SPTA1: variants seen among roughly 807,000 people sequenced by gnomAD.
SPTA1 encodes the protein spectrin alpha, erythrocytic 1.
A neutral mutation model predicts 324.7 loss-of-function variants in SPTA1; 177 were observed. The ratio of observed to expected loss-of-function variants is 0.55; its 90% CI spans 0.48 to 0.62. SPTA1 has a LOEUF of 0.62. Among genes scored for constraint, SPTA1 ranks in the 20% least tolerant of loss-of-function variants. The pLI is 0.00. For missense variants in SPTA1, 3,162 were observed against 2,883.6 expected (o/e 1.10, Z -2.21); for synonymous variants, 1,195 against 1,041.3 (o/e 1.15, Z -2.84).
chr1:158,611,817 T>A (rs1557916382), intron 51 of SPTA1: 1 of 190,632 alleles, frequency 5.2e-6, no homozygotes, highest in East Asian at 1.5e-4. Context: ...GTGGTAGAGC[T>A]GGGACTTGAA....
rs34783066 is a variant in SPTA1, at chr1:158,686,642, G to GA, written c.-126dup. On this transcript the variant is annotated 5_prime_UTR_variant, in exon 1 of 52. It introduces an in-frame stop codon into an upstream open reading frame of the 5' UTR. Transcript: ENST00000643759. ...ATATAGAAACGTTAAGTATGTGGGGGAAAAAAAAAAACCTCTTGCTTGGTC... is the reference window on the plus strand; with the variant it reads ...ATATAGAAACGTTAAGTATGTGGGGGAAAAAAAAAAAACCTCTTGCTTGGTC... 255,666 of 551,166 alleles carry GA rather than the reference G, an allele frequency of 0.46. 33,616 individuals carry two copies. Among genetic ancestry groups the GA allele is most frequent in the Admixed American group, 0.48 (16,253 of 33,634 alleles). 34.1% of individuals were successfully genotyped at this position (551,166 alleles called of 1,614,324 possible). A position where few individuals can be genotyped will look rare whatever the true frequency, so the allele number is the denominator to read the frequency against.
Position 158,626,222 on chromosome 1 carries a change from G to A in SPTA1, c.5834C>T (p.Ala1945Val), listed in dbSNP as rs774236074. 5.0e-6 allele frequency: 8 copies of A among 1,613,188 alleles called. No homozygotes were observed. The Admixed American group carries it at 1.3e-4, about 27-fold the overall frequency. ...GGTCTTTAGGCTTGTTTCCTTATCA[G>A]CTAAAAGGCAAAAACAATTAAGAAG... ...WKADVVEAWIADKETSLKTNG... is the reference protein window; with the variant it reads ...WKADVVEAWIVDKETSLKTNG... The change falls in exon 42 of 52, where the codon GCT becomes GTT. Residue 1945 changes from alanine to valine, a missense_variant and splice_region_variant. Physicochemically the swap from Ala to Val is moderately conservative, Grantham distance 64. Coordinates refer to ENST00000643759, the MANE Select transcript of SPTA1 (RefSeq NM_003126.4).
chr1:158,626,337 G>T, intron 41 of SPTA1, 115 bp from the exon 42 acceptor site: 1 of 976,174 alleles, frequency 1.0e-6, no homozygotes, highest in Non-Finnish European at 1.6e-6. Flanking sequence ...TCTCAAAGTT[G>T]ATGATTAATT....
In SPTA1 at chr1:158,636,629, T is replaced by G; in HGVS notation, c.5310+12A>C. On this transcript the variant is annotated intron_variant, in intron 37 of 51. Coordinates refer to ENST00000643759, the MANE Select transcript of SPTA1 (RefSeq NM_003126.4). ...GATTTCTATATTTTCAGATCTGGTA[T>G]TCTATTCCTACCTGGATGGCAGGCT... 1 of 1,613,986 alleles carries G rather than the reference T, an allele frequency of 6.2e-7. No individual in the cohort carries two copies. Among genetic ancestry groups the G allele is most frequent in the South Asian group, 1.1e-5 (1 of 91,080 alleles).
At chr1:158,675,874 A>G (rs1184897586) in intron 8 of SPTA1, among the ~76,000 whole-genome samples, 1 of 152,216 alleles carries the variant, frequency 6.6e-6, no homozygotes, top group African/African-American at 2.4e-5. Context: ...TTTAAAACTT[A>G]TAAGTTATTT....
chr1:158,623,644 A>C (rs764165045), intron 42 of SPTA1, among the ~76,000 whole-genome samples: 1 of 152,016 alleles, frequency 6.6e-6, no homozygotes, highest in Non-Finnish European at 1.5e-5. Flanking sequence ...ATGAAGAAGG[A>C]TGTGTTTGTT....
At chr1:158,623,235 C>T (rs1408384293) in intron 42 of SPTA1, 43 bp from the exon 43 acceptor site, 1 of 1,550,062 alleles carries the variant, frequency 6.5e-7, no homozygotes, top group Non-Finnish European at 8.9e-7. Context: ...GAAAATGGTG[C>T]AAGGGTCATT....
chr1:158,620,173 A>T lies in SPTA1; in HGVS notation c.6414T>A (p.Ile2138=). 1.2e-6 allele frequency: 2 copies of T among 1,614,112 alleles called. No homozygotes were observed. The highest frequency in any genetic ancestry group is 1.7e-6 in the Non-Finnish European group (2 of 1,180,012). Reference sequence around the variant, plus strand: ...TTTCTGCCGTGTTCCAGGTTACCTCAATGATGTCAGATAGGTGCTTCCAGG... The same window carrying T: ...TTTCTGCCGTGTTCCAGGTTACCTCTATGATGTCAGATAGGTGCTTCCAGG... ...ERTWKHLSDI[I]EEREQELQKE... Residue 2138 remains isoleucine (I), a synonymous_variant, in exon 44 of 52, where the codon ATT becomes ATA. Coordinates refer to ENST00000643759, the MANE Select transcript of SPTA1 (RefSeq NM_003126.4).
intron 14 of SPTA1, among the ~76,000 whole-genome samples, chr1:158,669,075 T>C (rs1403318166): frequency 6.6e-6 from 1 of 152,156 alleles, no homozygotes; most frequent in Non-Finnish European, 1.5e-5. Context: ...ACTATACGGA[T>C]GCAGAGGGGA....
At chr1:158,664,563 T>C (rs1653461891) in intron 16 of SPTA1, among the ~76,000 whole-genome samples, 2 of 152,044 alleles carry the variant, frequency 1.3e-5, no homozygotes, top group East Asian at 1.9e-4. Context: ...GGGCTTAAAA[T>C]CTAGATGACA....
intron 29 of SPTA1, among the ~76,000 whole-genome samples, chr1:158,644,797 T>C (rs1651871632): frequency 6.6e-6 from 1 of 152,212 alleles, no homozygotes; most frequent in Non-Finnish European, 1.5e-5. Flanking sequence ...ATCATCTCAC[T>C]GTACTAGTAA....
At chr1:158,640,874 A>C (rs1221035569) in intron 33 of SPTA1, among the ~76,000 whole-genome samples, 1 of 152,196 alleles carries the variant, frequency 6.6e-6, no homozygotes, top group Non-Finnish European at 1.5e-5. Context: ...CAAAAGAACA[A>C]AGCTGGAGGC....
chr1:158,645,170 T>C lies in SPTA1; in HGVS notation c.4194+18A>G, dbSNP rs1651898641. On this transcript the variant is annotated intron_variant, in intron 29 of 51. Transcript: ENST00000643759. ...ACAGACTACTGAACCTGCTTAACAATTGGGAAATTTGCTGTACCTGCAACT... is the reference window on the plus strand; with the variant it reads ...ACAGACTACTGAACCTGCTTAACAACTGGGAAATTTGCTGTACCTGCAACT... 2 of 1,613,674 alleles carry C rather than the reference T, an allele frequency of 1.2e-6. No individual in the cohort carries two copies. The highest frequency in any genetic ancestry group is 8.5e-7 in the Non-Finnish European group (1 of 1,179,680).
chr1:158,686,581 A>T lies in SPTA1; in HGVS notation c.-64T>A. On this transcript the variant is annotated 5_prime_UTR_variant, in exon 1 of 52. Coordinates refer to ENST00000643759, the MANE Select transcript of SPTA1 (RefSeq NM_003126.4). ...TCAGAGAGAGAGAGAGAGAGAAATA[A>T]TTCAAATGGAACTGTCCAGTCGAAT... 1.6e-6 allele frequency: 2 copies of T among 1,248,174 alleles called. No individual in the cohort carries two copies. The highest frequency in any genetic ancestry group is 2.4e-6 in the Non-Finnish European group (2 of 849,492). 77.3% of individuals were successfully genotyped at this position (1,248,174 alleles called of 1,614,324 possible).
intron 10 of SPTA1, among the ~76,000 whole-genome samples, chr1:158,673,902 A>G (rs1320783958): frequency 6.6e-6 from 1 of 152,158 alleles, no homozygotes; most frequent in African/African-American, 2.4e-5. Flanking sequence ...GATTTAACCA[A>G]CCATGGGTAT....
At chr1:158,663,080 G>T in intron 16 of SPTA1, 135 bp from the exon 17 acceptor site, 1 of 1,265,806 alleles carries the variant, frequency 7.9e-7, no homozygotes, top group Non-Finnish European at 1.1e-6. Context: ...AATTAAATCA[G>T]TGAAATGGAG....
intron 2 of SPTA1, among the ~76,000 whole-genome samples, chr1:158,684,793 G>C (rs1315621046): frequency 6.6e-6 from 1 of 152,072 alleles, no homozygotes; most frequent in Admixed American, 6.6e-5. Flanking sequence ...CTTGGTTAAT[G>C]ATTAAAAAAT....
intron 32 of SPTA1, 90 bp downstream of exon 32, chr1:158,642,724 T>C (rs1049661167): frequency 6.2e-7 from 1 of 1,605,352 alleles, no homozygotes; most frequent in Non-Finnish European, 8.5e-7. Flanking sequence ...GCCTCAACAG[T>C]CAGAAAGTGT....
At chr1:158,630,903 C>T (rs1019076261) in intron 39 of SPTA1, among the ~76,000 whole-genome samples, 4 of 151,884 alleles carry the variant, frequency 2.6e-5, no homozygotes, top group South Asian at 2.1e-4. Context: ...TTATCAGGGA[C>T]GTGCAAATTA....
Sources: allele counts gnomAD v4.1 joint callset (sites outside exome capture counted in the v4.1 genomes callset), GRCh38; gene constraint gnomAD v4.1.1; transcripts MANE v1.5; gene names NCBI Gene and HGNC (gene_info 2026-07-23, HGNC 2026-07-21).